FREM2: variants seen among roughly 807,000 people sequenced by gnomAD.
The protein encoded by FREM2 is FRAS1 related extracellular matrix 2, also known as FRAS1-related extracellular matrix protein 2.
Under a neutral mutation model 219.9 loss-of-function variants are expected in FREM2, and 119 were observed. The ratio of observed to expected loss-of-function variants is 0.54; its 90% confidence interval spans 0.47 to 0.63. The LOEUF (loss-of-function observed/expected upper bound fraction) is 0.63. Ranked by LOEUF, FREM2 falls within the 30% of genes least tolerant of loss-of-function variation. FREM2 has a pLI of 0.00. For synonymous variants in FREM2, 1,562 were observed against 1,522.8 expected, an observed-to-expected ratio of 1.03 and a Z score of -0.60; for missense variants, 4,030 against 3,993.6, an observed-to-expected ratio of 1.01 and a Z score of -0.25.
intron 15 of FREM2, among the ~76,000 whole-genome samples, chr13:38,862,632 G>A (rs1047550903): frequency 2.6e-4 from 39 of 152,298 alleles, no homozygotes; most frequent in African/African-American, 9.4e-4. Flanking sequence ...GTGAATCTGA[G>A]AGGAAGAGGT....
chr13:38,803,332 C>G (rs930636227), intron 6 of FREM2, among the ~76,000 whole-genome samples: 3 of 152,160 alleles, frequency 2.0e-5, no homozygotes, highest in Non-Finnish European at 4.4e-5. Flanking sequence ...TCTGTGCTAA[C>G]TCTTAACTGT....
intron 2 of FREM2, among the ~76,000 whole-genome samples, chr13:38,705,395 A>G (rs1870498983): frequency 6.6e-6 from 1 of 152,220 alleles, no homozygotes; most frequent in Non-Finnish European, 1.5e-5. Flanking sequence ...GGAAATTAAG[A>G]GGACATTAGA....
chr13:38,850,232 C>A lies in FREM2; in HGVS notation c.6574C>A (p.Pro2192Thr), dbSNP rs1877321852. 1.9e-6 allele frequency: 3 copies of A among 1,613,594 alleles called. No homozygotes were observed. The highest frequency in any genetic ancestry group is 2.2e-5 in the South Asian group (2 of 91,074). The change falls in exon 9 of 24, where the codon CCT becomes ACT. Residue 2192 changes from proline (P) to threonine (T), a missense_variant. By Grantham distance (38) the Pro-to-Thr change is conservative. Around this residue, in one of 2 missense-constraint regions of FREM2, gnomAD observed 3,102 missense variants for 2,950.7 expected, o/e 1.05. Coordinates refer to ENST00000280481, the MANE Select transcript of FREM2 (RefSeq NM_207361.6). ...TGATACCTCCATCATCACATTCCTCCCTGGTAAGCTTGAACTTGAAATTTT... is the reference window on the plus strand; with the variant it reads ...TGATACCTCCATCATCACATTCCTCACTGGTAAGCTTGAACTTGAAATTTT... Reference protein sequence around the residue: ...NTDTSIITFLPGETEKPCILE... With the variant: ...NTDTSIITFLTGETEKPCILE...
Position 38,759,122 on chromosome 13 carries a change from A to G in FREM2, c.5264-5182A>G, listed in dbSNP as rs558277627. ...TTAATCTTTTCTCATATAAATATCT[A>G]TATCTATTGCTGATTTAAAGGACTA... On this transcript the variant is annotated intron_variant, in intron 2 of 23. Transcript: ENST00000280481. Among the ~76,000 whole-genome samples, 4 of 152,296 alleles carry G rather than the reference A, an allele frequency of 2.6e-5. 1 individual carries two copies. The highest frequency in any genetic ancestry group is 6.8e-3 in the Middle Eastern group (2 of 294).
chr13:38,756,788 G>A (rs1873026519), intron 2 of FREM2, among the ~76,000 whole-genome samples: 2 of 151,856 alleles, frequency 1.3e-5, no homozygotes, highest in Non-Finnish European at 2.9e-5. Context: ...TGATCTGCCC[G>A]CCTCAGCCTT....
At chr13:38,785,432 C>G (rs978238028) in intron 6 of FREM2, among the ~76,000 whole-genome samples, 1 of 152,130 alleles carries the variant, frequency 6.6e-6, no homozygotes, top group African/African-American at 2.4e-5. Flanking sequence ...AGAGAGCAAA[C>G]GGAAATATTG....
chr13:38,769,831 T>G (rs1216495445), intron 4 of FREM2, 23 bp downstream of exon 4: 1 of 1,573,648 alleles, frequency 6.4e-7, no homozygotes, highest in East Asian at 2.2e-5. Context: ...GTCAACTGGT[T>G]TATGTTGTTG....
chr13:38,865,925 G>A (rs1189607494), intron 16 of FREM2, among the ~76,000 whole-genome samples: 2 of 152,016 alleles, frequency 1.3e-5, no homozygotes, highest in East Asian at 3.9e-4. Flanking sequence ...ACCTGTTTTT[G>A]CCACCTGAAA....
At chr13:38,838,878 T>G (rs1876827065) in intron 6 of FREM2, among the ~76,000 whole-genome samples, 1 of 152,170 alleles carries the variant, frequency 6.6e-6, no homozygotes, top group Admixed American at 6.5e-5. Context: ...TTCAAGGTTC[T>G]CAGCTTCCTT....
At chr13:38,861,283 A>G in intron 14 of FREM2, 148 bp from the exon 15 acceptor site, 2 of 751,300 alleles carry the variant, frequency 2.7e-6, no homozygotes, top group Non-Finnish European at 4.5e-6. Flanking sequence ...CTAATTCCTT[A>G]TCACGTGATG....
intron 6 of FREM2, among the ~76,000 whole-genome samples, chr13:38,812,591 ACACTT>A (rs1875535215): frequency 6.6e-6 from 1 of 152,120 alleles, no homozygotes; most frequent in Admixed American, 6.6e-5. Context: ...AAGAAAAACT[ACACTT>A]TTGGCTGGGC....
intron 7 of FREM2, among the ~76,000 whole-genome samples, chr13:38,848,122 T>C (rs1877231064): frequency 6.6e-6 from 1 of 152,204 alleles, no homozygotes; most frequent in Non-Finnish European, 1.5e-5. Context: ...ATCACATATT[T>C]GATTGATATG....
intron 2 of FREM2, among the ~76,000 whole-genome samples, chr13:38,751,192 CTT>C (rs149240272): frequency 1.6e-3 from 211 of 136,020 alleles, no homozygotes; most frequent in Non-Finnish European, 1.6e-3. Context: ...TATGACAGTT[CTT>C]TTTTTTTTTT....
chr13:38,740,324 G>GTTTATA (rs1389807883), intron 2 of FREM2, among the ~76,000 whole-genome samples: 1 of 152,130 alleles, frequency 6.6e-6, no homozygotes, highest in Non-Finnish European at 1.5e-5. Context: ...AAACATTAAA[G>GTTTATA]ACTTGTAATG....
In FREM2 at chr13:38,688,551, G is replaced by C. The variant is rs767278342; in HGVS notation, c.1207G>C (p.Asp403His). The C allele has an allele frequency of 6.2e-7, 1 of 1,613,746 alleles. No homozygotes were observed. Among genetic ancestry groups the C allele is most frequent in the East Asian group, 2.2e-5 (1 of 44,850 alleles). The change falls in exon 1 of 24, where the codon GAC becomes CAC. Residue 403 changes from aspartate (D) to histidine (H), a missense_variant. Around this residue, in one of 2 missense-constraint regions of FREM2, gnomAD observed 3,102 missense variants for 2,950.7 expected, o/e 1.05. Transcript: ENST00000280481. ...IAYQPPSEDS[D>H]QERLFELELE... ...CTACCAGCCCCCTTCTGAAGACTCTGACCAGGAGCGCCTCTTTGAACTGGA... is the reference window on the plus strand; with the variant it reads ...CTACCAGCCCCCTTCTGAAGACTCTCACCAGGAGCGCCTCTTTGAACTGGA...
chr13:38,881,691 A>G lies in FREM2; in HGVS notation c.*904A>G, dbSNP rs970766710. ...CCTAGATGTTTGCAGTATTGAACCC[A>G]TAAATGATAATAAGAAACATTGTTA... On this transcript the variant is annotated 3_prime_UTR_variant, in exon 24 of 24. Coordinates refer to ENST00000280481, the MANE Select transcript of FREM2 (RefSeq NM_207361.6). The G allele has an allele frequency of 5.9e-5, 9 of 152,638 alleles. No homozygotes were observed. The highest frequency in any genetic ancestry group is 1.4e-4 in the African/African-American group (6 of 41,456). The allele number at this position is 152,638 out of a possible 1,614,324, so 9.5% of individuals were successfully genotyped here.
intron 2 of FREM2, among the ~76,000 whole-genome samples, chr13:38,724,580 G>T (rs1050212745): frequency 6.6e-6 from 1 of 152,096 alleles, no homozygotes; most frequent in Non-Finnish European, 1.5e-5. Flanking sequence ...GTCAACTAGG[G>T]CACTTTCTGT....
intron 2 of FREM2, among the ~76,000 whole-genome samples, chr13:38,744,541 G>C (rs896207844): frequency 1.3e-5 from 2 of 151,932 alleles, no homozygotes; most frequent in African/African-American, 4.8e-5. Flanking sequence ...ACCCAGGCTG[G>C]AGCGCAGTGG....
chr13:38,851,086 A>C lies in FREM2; in HGVS notation c.6720A>C (p.Ile2240=). ...TTGGTGAACAAAATGAAACTCTCAT[A>C]AGGATCCGAGATGATGCTGATAGTA... ...AAVGEQNETL[I]RIRDDADKTV... Residue 2240 remains isoleucine (I), a synonymous_variant, in exon 10 of 24, where the codon ATA becomes ATC. Transcript: ENST00000280481. 6.2e-7 allele frequency: 1 copy of C among 1,613,900 alleles called. No homozygotes were observed. Among genetic ancestry groups the C allele is most frequent in the Non-Finnish European group, 8.5e-7 (1 of 1,179,958 alleles).
Sources: gnomAD v4.1 joint callset for allele counts (sites outside exome capture counted in the v4.1 genomes callset) on GRCh38, gnomAD v4.1.1 for gene constraint, gnomAD v4.1.1 regional missense constraint, MANE v1.5 for transcripts, NCBI Gene and HGNC (gene_info 2026-07-23, HGNC 2026-07-21) for gene names.